The following PDZD2 variants were observed in gnomAD, a reference collection of about 807,000 sequenced individuals.
PDZD2 encodes the protein PDZ domain containing 2, also known as PDZ domain-containing protein 2.
In PDZD2, 90 loss-of-function variants were observed where a neutral mutation model predicts 220.7. The ratio of observed to expected loss-of-function variants is 0.41; its 90% CI spans 0.34 to 0.49. The LOEUF is 0.49. Ranked by LOEUF, PDZD2 falls within the 20% of genes least tolerant of loss-of-function variation. The pLI is 0.28. For synonymous variants in PDZD2, 1,375 were observed against 1,450.5 expected (o/e 0.95, Z 1.18); for missense variants, 3,174 against 3,608.5 (o/e 0.88, Z 3.08).
intron 1 of PDZD2, among the ~76,000 whole-genome samples, chr5:31,794,634 T>C (rs1375194410): frequency 6.6e-6 from 1 of 152,178 alleles, no homozygotes; most frequent in Non-Finnish European, 1.5e-5. Context: ...CTCAAACTCC[T>C]GACCTCAGGT....
At chr5:31,673,654 C>A (rs867006236) in intron 1 of PDZD2, among the ~76,000 whole-genome samples, 1 of 152,090 alleles carries the variant, frequency 6.6e-6, no homozygotes, top group East Asian at 1.9e-4. Context: ...AGAGCCCTCA[C>A]AATGGGATTA....
chr5:32,094,360 GAATA>G (rs1743448637), intron 21 of PDZD2, among the ~76,000 whole-genome samples: 1 of 152,186 alleles, frequency 6.6e-6, no homozygotes, highest in South Asian at 2.1e-4. Flanking sequence ...CCTAATGAAT[GAATA>G]TTTTCTATTT....
At chr5:31,852,277 T>C (rs1243325523) in intron 2 of PDZD2, among the ~76,000 whole-genome samples, 3 of 152,002 alleles carry the variant, frequency 2.0e-5, no homozygotes, top group African/African-American at 7.2e-5. Flanking sequence ...ATTTTTATTA[T>C]TTATTTATTT....
At chr5:31,779,031 C>T (rs1412148486) in intron 1 of PDZD2, among the ~76,000 whole-genome samples, 1 of 152,062 alleles carries the variant, frequency 6.6e-6, no homozygotes, top group Non-Finnish European at 1.5e-5. Context: ...AAAATGAAAC[C>T]ACAAATCTGG....
At chr5:31,652,123 G>A (rs780972112) in intron 1 of PDZD2, among the ~76,000 whole-genome samples, 11 of 146,152 alleles carry the variant, frequency 7.5e-5, no homozygotes, top group East Asian at 2.0e-4. Context: ...GAGCCACTGC[G>A]TCTGGCCTGG....
At chr5:31,907,267 C>T (rs956514914) in intron 2 of PDZD2, among the ~76,000 whole-genome samples, 5 of 152,214 alleles carry the variant, frequency 3.3e-5, no homozygotes, top group African/African-American at 1.2e-4. Flanking sequence ...GGTGAGGGCT[C>T]TCTTCCTGGG....
chr5:31,832,519 A>AAGT (rs113967202), intron 2 of PDZD2: 28,995 of 152,098 alleles, frequency 0.19, 2,873 homozygotes, highest in Middle Eastern at 0.26. Context: ...GGATTTTTAA[A>AAGT]AATAATAAAA....
intron 1 of PDZD2, among the ~76,000 whole-genome samples, chr5:31,641,906 C>G (rs568823336): frequency 4.1e-4 from 63 of 152,190 alleles, no homozygotes; most frequent in African/African-American, 1.5e-3. Context: ...AGTTGCTAAT[C>G]AACTTCCTCA....
In PDZD2 at chr5:31,646,683, T is replaced by G. The variant is rs913189277; in HGVS notation, c.-361+7246T>G. ...ACTAGATTGTGCTATATGGGTCTCCTGATGAAGAGAATTCACTTCCAAGGC... is the reference window on the plus strand; with the variant it reads ...ACTAGATTGTGCTATATGGGTCTCCGGATGAAGAGAATTCACTTCCAAGGC... On this transcript the variant is annotated intron_variant, in intron 1 of 24. Transcript: ENST00000438447. The surrounding 1 kb of genome is among the most constrained non-coding windows in gnomAD (Gnocchi z 4.7). Among the ~76,000 whole-genome samples the G allele has an allele frequency of 6.6e-6, 1 of 152,172 alleles. No homozygotes were observed. Among genetic ancestry groups the G allele is most frequent in the Admixed American group, 6.5e-5 (1 of 15,278 alleles).
chr5:31,807,603 A>G (rs1182219860), intron 2 of PDZD2, among the ~76,000 whole-genome samples: 1 of 152,198 alleles, frequency 6.6e-6, no homozygotes, highest in African/African-American at 2.4e-5. Context: ...GAAGACAAAG[A>G]ATAATCTTTG....
chr5:31,819,482 C>T (rs1448295036), intron 2 of PDZD2, among the ~76,000 whole-genome samples: 1 of 151,904 alleles, frequency 6.6e-6, no homozygotes, highest in Non-Finnish European at 1.5e-5. Context: ...TATGGTAAAA[C>T]CCCGTCTCTA....
At chr5:32,092,373 G>C (rs1743242455) in intron 20 of PDZD2, among the ~76,000 whole-genome samples, 1 of 150,854 alleles carries the variant, frequency 6.6e-6, no homozygotes, top group South Asian at 2.1e-4. Context: ...AGGAGTTCAA[G>C]ACCAGCCTGG....
rs748500061 is a variant in PDZD2, at chr5:32,089,974, A to C, written c.6526A>C (p.Thr2176Pro). The C allele has an allele frequency of 6.2e-7, 1 of 1,603,640 alleles. No individual in the cohort carries two copies. Residue 2176 changes from threonine to proline, a missense_variant, in exon 20 of 25, where the codon ACA becomes CCA. Thr to Pro is a conservative substitution (Grantham distance 38). Transcript: ENST00000438447. ...KLASSSSSLQ[T>P]AIRKAEYSQG... ...GGCGTCCTCCTCCTCCTCCCTTCAAACAGCCATTAGAAAGGCAGAATACTC... is the reference window on the plus strand; with the variant it reads ...GGCGTCCTCCTCCTCCTCCCTTCAACCAGCCATTAGAAAGGCAGAATACTC...
At chr5:31,703,549 G>A (rs557867961) in intron 1 of PDZD2, among the ~76,000 whole-genome samples, 7 of 152,206 alleles carry the variant, frequency 4.6e-5, no homozygotes, top group East Asian at 3.9e-4. Flanking sequence ...CCTAGATGAC[G>A]GGTTGATGGG....
chr5:31,958,309 A>G (rs1376668397), intron 2 of PDZD2, among the ~76,000 whole-genome samples: 1 of 151,612 alleles, frequency 6.6e-6, no homozygotes, highest in Non-Finnish European at 1.5e-5. Flanking sequence ...GCTGGAGTGC[A>G]GTGGTGCAGT....
intron 2 of PDZD2, among the ~76,000 whole-genome samples, chr5:31,811,681 G>A (rs983249341): frequency 1.3e-5 from 2 of 152,114 alleles, no homozygotes; most frequent in Non-Finnish European, 2.9e-5. Flanking sequence ...GTCGAGGGGA[G>A]TGGATAGCCT....
At chr5:31,987,816 C>A (rs1750832092) in intron 3 of PDZD2, among the ~76,000 whole-genome samples, 1 of 152,194 alleles carries the variant, frequency 6.6e-6, no homozygotes, top group South Asian at 2.1e-4. Context: ...TGGTTTCTCA[C>A]TGAAAATCCT....
chr5:31,936,339 T>C (rs2150397533), intron 2 of PDZD2: 1 of 987,312 alleles, frequency 1.0e-6, no homozygotes. Context: ...GACCAGCTCA[T>C]AAAGCAGGTA....
intron 4 of PDZD2, among the ~76,000 whole-genome samples, chr5:31,998,195 C>T (rs1333190126): frequency 2.6e-5 from 4 of 152,140 alleles, no homozygotes; most frequent in Non-Finnish European, 5.9e-5. Flanking sequence ...CCCTCTCCTC[C>T]CATAGGAAAC....
Sources: allele counts gnomAD v4.1 joint callset (sites outside exome capture counted in the v4.1 genomes callset), GRCh38; gene constraint gnomAD v4.1.1; non-coding constraint Gnocchi (gnomAD v3.1); transcripts MANE v1.5; gene names NCBI Gene and HGNC (gene_info 2026-07-23, HGNC 2026-07-21).